The following FARS2 variants were observed in gnomAD, a reference collection of about 807,000 sequenced individuals.
The protein encoded by FARS2 is phenylalanyl-tRNA synthetase 2, mitochondrial.
A neutral mutation model predicts 46.4 loss-of-function variants in FARS2; 40 were observed. The ratio of observed to expected loss-of-function variants is 0.86; its 90% confidence interval spans 0.67 to 1.12. The LOEUF (loss-of-function observed/expected upper bound fraction) is 1.12, where lower values mean the gene tolerates loss of function less well. Among genes scored for constraint, FARS2 ranks in the 50% most tolerant of loss-of-function variants. The pLI, the probability that FARS2 is intolerant of heterozygous loss-of-function variation, is 0.00. For missense variants in FARS2, 513 were observed against 567.9 expected, an observed-to-expected ratio of 0.90 and a Z score of 0.98; for synonymous variants, 234 against 214.9, an observed-to-expected ratio of 1.09 and a Z score of -0.78.
chr6:5,508,833 A>G (rs1768261033), intron 4 of FARS2, among the ~76,000 whole-genome samples: 1 of 152,224 alleles, frequency 6.6e-6, no homozygotes, highest in Admixed American at 6.5e-5. Context: ...AATTTGAATC[A>G]TAGTACTATC....
intron 6 of FARS2, among the ~76,000 whole-genome samples, chr6:5,721,208 A>T (rs1456380477): frequency 6.6e-6 from 1 of 152,212 alleles, no homozygotes; most frequent in African/African-American, 2.4e-5. Context: ...ATTGATTTAT[A>T]TTTTTGCAAA....
chr6:5,396,806 C>T (rs1473198673), intron 2 of FARS2, among the ~76,000 whole-genome samples: 2 of 152,284 alleles, frequency 1.3e-5, no homozygotes, highest in Non-Finnish European at 1.5e-5. Context: ...GAAGTCAAAC[C>T]TGGGCCCCTC....
chr6:5,616,427 A>G (rs143592470), intron 6 of FARS2, among the ~76,000 whole-genome samples: 3 of 152,204 alleles, frequency 2.0e-5, no homozygotes, highest in Non-Finnish European at 4.4e-5. Context: ...ATTTTTTCCC[A>G]TTCTTTTTTA....
At chr6:5,486,826 T>C (rs1349006893) in intron 4 of FARS2, among the ~76,000 whole-genome samples, 1 of 152,202 alleles carries the variant, frequency 6.6e-6, no homozygotes, top group Non-Finnish European at 1.5e-5. Flanking sequence ...CCAAGCAAAA[T>C]GATCTACCTC....
chr6:5,759,981 A>C (rs909661781), intron 6 of FARS2, among the ~76,000 whole-genome samples: 4 of 152,156 alleles, frequency 2.6e-5, no homozygotes, highest in Non-Finnish European at 5.9e-5. Context: ...TAGACGGAGG[A>C]GGTGCATCCT....
chr6:5,613,069 T>C, intron 5 of FARS2, 100 bp from the exon 6 acceptor site: 2 of 912,818 alleles, frequency 2.2e-6, no homozygotes, highest in Non-Finnish European at 1.7e-6. Flanking sequence ...GATGTTTTAC[T>C]AGCATTTCCT....
chr6:5,304,118 A>G (rs1581735922), intron 1 of FARS2, among the ~76,000 whole-genome samples: 1 of 152,336 alleles, frequency 6.6e-6, no homozygotes, highest in East Asian at 1.9e-4. Context: ...GAGGCATCAT[A>G]GCAGTATTAC....
intron 1 of FARS2, among the ~76,000 whole-genome samples, chr6:5,318,901 C>T (rs971953022): frequency 6.6e-6 from 1 of 152,080 alleles, no homozygotes; most frequent in African/African-American, 2.4e-5. Context: ...GGAAGTAGCC[C>T]CTGATATCCA....
At chr6:5,260,608 C>CGG, upstream of FARS2, 12 of 1,338,032 alleles carry the variant, frequency 9.0e-6, no homozygotes, top group Non-Finnish European at 1.2e-5. Flanking sequence ...TCCCCGGCCC[C>CGG]TGGCCCCCCG....
intron 5 of FARS2, among the ~76,000 whole-genome samples, chr6:5,598,235 TAGTC>T (rs988941323): frequency 7.9e-5 from 12 of 151,942 alleles, no homozygotes; most frequent in African/African-American, 2.9e-4. Context: ...AAAAAAAAAT[TAGTC>T]AGGCATGGTG....
chr6:5,650,097 A>C (rs1777275113), intron 6 of FARS2, among the ~76,000 whole-genome samples: 1 of 151,622 alleles, frequency 6.6e-6, no homozygotes, highest in Non-Finnish European at 1.5e-5. Flanking sequence ...CAGAGGACCG[A>C]GCCTGGGGTT....
rs111392535 is a variant in FARS2, at chr6:5,676,072, TA to T, written c.1217+62761del. ...ACTATTAAATTTGGTTAGGCTCATATAAAAAAAAATAGTAAAATGGCAGTCA... is the reference window on the plus strand; with the variant it reads ...ACTATTAAATTTGGTTAGGCTCATATAAAAAAAATAGTAAAATGGCAGTCA... On this transcript the variant is annotated intron_variant, in intron 6 of 6. Coordinates refer to ENST00000274680, the MANE Select transcript of FARS2 (RefSeq NM_006567.5). 4.8e-3 allele frequency among the ~76,000 whole-genome samples: 731 copies of T among 151,310 alleles called. 5 individuals carry two copies. Among genetic ancestry groups the T allele is most frequent in the African/African-American group, 0.017 (690 of 41,290 alleles).
chr6:5,403,252 T>G (rs1280621615), intron 2 of FARS2, among the ~76,000 whole-genome samples: 1 of 152,214 alleles, frequency 6.6e-6, no homozygotes, highest in Non-Finnish European at 1.5e-5. Flanking sequence ...CTTCGTAGCC[T>G]GAAGCTCTCT....
At chr6:5,307,843 C>T (rs1322068574) in intron 1 of FARS2, among the ~76,000 whole-genome samples, 1 of 152,024 alleles carries the variant, frequency 6.6e-6, no homozygotes, top group East Asian at 1.9e-4. Flanking sequence ...CGTGCAGCCT[C>T]AGGGGTCAGC....
chr6:5,252,343 C>G, the FARS2 span, among the ~76,000 whole-genome samples: 1 of 152,178 alleles, frequency 6.6e-6, no homozygotes, highest in Admixed American at 6.5e-5. Flanking sequence ...AATCAAGTTG[C>G]TTCTCCTCTC....
intron 1 of FARS2, among the ~76,000 whole-genome samples, chr6:5,356,921 T>C (rs1293132538): frequency 1.4e-5 from 2 of 146,062 alleles, no homozygotes; most frequent in Non-Finnish European, 3.0e-5. Flanking sequence ...ACAAAGGTTA[T>C]AGAGAAGTGG....
rs1774754894 is a variant in FARS2 at position 5,605,097 on chromosome 6, A to T, written c.1066-8072A>T. ...TGCACTTTGCCTGCTCCAAACACAC[A>T]GCAGTGACAGATCAAAATCTAAAAA... On this transcript the variant is annotated intron_variant, in intron 5 of 6. Transcript: ENST00000274680. 1.3e-5 allele frequency among the ~76,000 whole-genome samples: 2 copies of T among 152,206 alleles called. 1 individual carries two copies. Among genetic ancestry groups the T allele is most frequent in the South Asian group, 4.1e-4 (2 of 4,834 alleles).
chr6:5,579,184 A>C (rs1773180897), intron 5 of FARS2, among the ~76,000 whole-genome samples: 1 of 152,230 alleles, frequency 6.6e-6, no homozygotes, highest in South Asian at 2.1e-4. Context: ...ATATGTACTT[A>C]AAGGTGTAAA....
intron 2 of FARS2, among the ~76,000 whole-genome samples, chr6:5,390,929 C>T (rs1760469858): frequency 6.6e-6 from 1 of 152,230 alleles, no homozygotes; most frequent in African/African-American, 2.4e-5. Context: ...CACATTGATG[C>T]AATTGCACAT....
Sources: gnomAD v4.1 joint callset for allele counts (sites outside exome capture counted in the v4.1 genomes callset) on GRCh38, gnomAD v4.1.1 for gene constraint, MANE v1.5 for transcripts, NCBI Gene and HGNC (gene_info 2026-07-23, HGNC 2026-07-21) for gene names.